MDGA2: variants seen among roughly 807,000 people sequenced by gnomAD.
The protein encoded by MDGA2 is MAM domain-containing glycosylphosphatidylinositol anchor protein 2.
MDGA2 carries 40 observed loss-of-function variants against 117.8 expected under a neutral mutation model. That is an observed-to-expected ratio of 0.34 (90% CI 0.26 to 0.44). MDGA2 has a LOEUF of 0.44. MDGA2 is among the 20% of genes least tolerant of loss of function. MDGA2 has a pLI of 1.00. For missense variants in MDGA2, 1,123 were observed against 1,250.6 expected, an observed-to-expected ratio of 0.90 and a Z score of 1.54; for synonymous variants, 452 against 439.0, an observed-to-expected ratio of 1.03 and a Z score of -0.37.
At chr14:47,564,536 G>A (rs191069280) in intron 1 of MDGA2, among the ~76,000 whole-genome samples, 250 of 152,246 alleles carry the variant, frequency 1.6e-3, no homozygotes, top group Middle Eastern at 0.014. Flanking sequence ...CATGAAAGCA[G>A]TATGGCAGAA....
chr14:47,083,705 A>G (rs892064079), intron 6 of MDGA2, among the ~76,000 whole-genome samples: 1 of 152,106 alleles, frequency 6.6e-6, no homozygotes. Context: ...TTCAAATATA[A>G]TGATATAGGT....
chr14:47,098,307 C>G, intron 5 of MDGA2, among the ~76,000 whole-genome samples: 1 of 140,220 alleles, frequency 7.1e-6, no homozygotes, highest in East Asian at 2.3e-4. Flanking sequence ...AATAATTTCA[C>G]ATTACAGTTC....
At chr14:47,483,160 A>G (rs550384478) in intron 1 of MDGA2, among the ~76,000 whole-genome samples, 5 of 152,166 alleles carry the variant, frequency 3.3e-5, no homozygotes, top group Non-Finnish European at 7.4e-5. Context: ...ATCTTTATTG[A>G]CCCTATCTTT....
At chr14:46,939,357 C>G (rs1389903882) in intron 9 of MDGA2, among the ~76,000 whole-genome samples, 4 of 152,070 alleles carry the variant, frequency 2.6e-5, no homozygotes, top group Non-Finnish European at 5.9e-5. Flanking sequence ...TGTATCAAAA[C>G]ATTGCTTTGG....
intron 1 of MDGA2, among the ~76,000 whole-genome samples, chr14:47,393,765 A>T (rs1404783673): frequency 1.3e-5 from 2 of 152,138 alleles, no homozygotes; most frequent in African/African-American, 4.8e-5. Flanking sequence ...CTATTTTTCC[A>T]TCTTTCAATA....
At chr14:47,518,150 T>C (rs571394990) in intron 1 of MDGA2, among the ~76,000 whole-genome samples, 6 of 152,252 alleles carry the variant, frequency 3.9e-5, no homozygotes, top group Admixed American at 1.3e-4. Context: ...AAATAATTCT[T>C]TCACAGCAAC....
intron 1 of MDGA2, among the ~76,000 whole-genome samples, chr14:47,667,746 G>C: frequency 6.6e-6 from 1 of 152,266 alleles, no homozygotes; most frequent in African/African-American, 2.4e-5. Context: ...TCCTCTTTCA[G>C]GAAGATGTGT....
At chr14:47,189,039 CTGT>C (rs543578659) in intron 3 of MDGA2, among the ~76,000 whole-genome samples, 1 of 152,118 alleles carries the variant, frequency 6.6e-6, no homozygotes, top group Non-Finnish European at 1.5e-5. Context: ...AGAAGCTTTG[CTGT>C]TGTTGTTGGT....
intron 2 of MDGA2, among the ~76,000 whole-genome samples, chr14:47,240,022 A>G (rs1175816123): frequency 2.0e-5 from 3 of 151,716 alleles, no homozygotes; most frequent in African/African-American, 4.8e-5. Context: ...ATGGAAGGAT[A>G]GACATTATTT....
At chr14:47,031,841 G>C (rs1003485121) in intron 8 of MDGA2, among the ~76,000 whole-genome samples, 2 of 152,140 alleles carry the variant, frequency 1.3e-5, no homozygotes, top group Admixed American at 1.3e-4. Flanking sequence ...TGATGTGCAA[G>C]CTCCCACTTC....
Position 47,171,210 on chromosome 14 carries a change from G to A in MDGA2, c.596-26936C>T, listed in dbSNP as rs187776615. 1.6e-3 allele frequency among the ~76,000 whole-genome samples: 238 copies of A among 151,878 alleles called. 2 individuals carry two copies. Among genetic ancestry groups the A allele is most frequent in the African/African-American group, 5.5e-3 (229 of 41,406 alleles). ...AGCCATAATCTCTGAAGAGATTGTG[G>A]GAAAATACTGAAGGTTCTAAATATA... On this transcript the variant is annotated intron_variant, in intron 3 of 16. Transcript: ENST00000399232.
At position 47,230,591 on chromosome 14, in the gene MDGA2, A is replaced by C. The variant is rs188915051; in HGVS notation, c.421-12396T>G. Among the ~76,000 whole-genome samples, 604 of 152,094 alleles carry C rather than the reference A, an allele frequency of 4.0e-3. 3 individuals are homozygous for C. The highest frequency in any genetic ancestry group is 0.013 in the African/African-American group (553 of 41,560). ...TCGGTACATTTTCAATCTTATGGAC[A>C]AATTTTTACCTCATATTTTGCCACT... On this transcript the variant is annotated intron_variant, in intron 2 of 16. Coordinates refer to ENST00000399232, the MANE Select transcript of MDGA2 (RefSeq NM_001113498.3).
At chr14:46,987,627 C>G (rs1355829571) in intron 8 of MDGA2, among the ~76,000 whole-genome samples, 1 of 152,024 alleles carries the variant, frequency 6.6e-6, no homozygotes, top group Non-Finnish European at 1.5e-5. Flanking sequence ...TCCTGTATCT[C>G]ACCGTTTTTG....
intron 6 of MDGA2, among the ~76,000 whole-genome samples, chr14:47,077,406 C>T (rs754691412): frequency 2.0e-5 from 3 of 152,044 alleles, no homozygotes; most frequent in Non-Finnish European, 4.4e-5. Context: ...CAGTTGTTCT[C>T]TCCCTTTTCA....
chr14:47,066,447 A>G (rs1022580344), intron 6 of MDGA2, among the ~76,000 whole-genome samples: 2 of 152,186 alleles, frequency 1.3e-5, no homozygotes, highest in Non-Finnish European at 2.9e-5. Context: ...GTCCTCAAGG[A>G]TTCAGTGATT....
intron 2 of MDGA2, among the ~76,000 whole-genome samples, chr14:47,280,239 G>C (rs1489037554): frequency 1.4e-5 from 2 of 146,966 alleles, no homozygotes; most frequent in African/African-American, 2.5e-5. Flanking sequence ...ACTTGCACCC[G>C]GGAGGCAGAG....
intron 3 of MDGA2, among the ~76,000 whole-genome samples, chr14:47,199,838 T>G (rs1885424725): frequency 6.6e-6 from 1 of 152,160 alleles, no homozygotes; most frequent in Admixed American, 6.5e-5. Context: ...AACAACATAA[T>G]GTATGACATT....
chr14:46,924,654 C>A (rs1400732904), intron 9 of MDGA2, among the ~76,000 whole-genome samples: 1 of 151,570 alleles, frequency 6.6e-6, no homozygotes, highest in Non-Finnish European at 1.5e-5. Context: ...ATAAAATGAG[C>A]CCATTTTATT....
chr14:47,026,045 A>G (rs1294500865), intron 8 of MDGA2, among the ~76,000 whole-genome samples: 1 of 152,214 alleles, frequency 6.6e-6, no homozygotes, highest in Non-Finnish European at 1.5e-5. Flanking sequence ...TACAAAGTAA[A>G]GTTATTAGTG....
Sources: gnomAD v4.1 joint callset for allele counts (sites outside exome capture counted in the v4.1 genomes callset) on GRCh38, gnomAD v4.1.1 for gene constraint, MANE v1.5 for transcripts, NCBI Gene and HGNC (gene_info 2026-07-23, HGNC 2026-07-21) for gene names.